Variants in EIF3M observed in about 807,000 individuals in gnomAD.
EIF3M encodes the protein eukaryotic translation initiation factor 3 subunit M.
In EIF3M, 25 loss-of-function variants were observed where a neutral mutation model predicts 49.7. The observed-to-expected ratio is 0.50, with a 90% CI of 0.37 to 0.70. The LOEUF is 0.70. Ranked by LOEUF, EIF3M falls within the 30% of genes least tolerant of loss-of-function variation. EIF3M has a pLI of 0.00. For synonymous variants in EIF3M, 156 were observed against 149.8 expected, an observed-to-expected ratio of 1.04 and a Z score of -0.30; for missense variants, 350 against 440.0, an observed-to-expected ratio of 0.80 and a Z score of 1.83.
At chr11:32,602,071 T>C in intron 10 of EIF3M, 2 of 927,706 alleles carry the variant, frequency 2.2e-6, no homozygotes, top group Non-Finnish European at 3.3e-6. Flanking sequence ...TATGTCTGCT[T>C]TATATAGTTG....
rs563209933 is a variant in EIF3M, at chr11:32,602,737, A to C, written c.*338A>C. ...CAAACTGTAGAGCTTTAAATACAAC[A>C]GTCATTTTATTCTAGTAAAAACTAT... On this transcript the variant is annotated 3_prime_UTR_variant, in exon 11 of 11. Coordinates refer to ENST00000531120, the MANE Select transcript of EIF3M (RefSeq NM_006360.6). 1 of 1,134,470 alleles carries C rather than the reference A, an allele frequency of 8.8e-7. No individual in the cohort carries two copies. Among genetic ancestry groups the C allele is most frequent in the African/African-American group, 1.6e-5 (1 of 63,522 alleles). The allele number at this position is 1,134,470 out of a possible 1,614,324, so 70.3% of individuals were successfully genotyped here. A position where few individuals can be genotyped will look rare whatever the true frequency, so the allele number is the denominator to read the frequency against.
chr11:32,595,190 A>G (rs1215939578), intron 7 of EIF3M, among the ~76,000 whole-genome samples, 177 bp downstream of exon 7: 1 of 151,904 alleles, frequency 6.6e-6, no homozygotes, highest in Non-Finnish European at 1.5e-5. Flanking sequence ...GCTTTTCTTC[A>G]TCCACTGAGC....
rs950282558 is a variant in EIF3M, at chr11:32,606,016, A to T, written c.*3617A>T. On this transcript the variant is annotated 3_prime_UTR_variant, in exon 11 of 11. Coordinates refer to ENST00000531120, the MANE Select transcript of EIF3M (RefSeq NM_006360.6). ...ATGAATCTAATTCATTGGATATATAAAAAAAAAAGTAAGTGGCTTGCTTTG... is the reference window on the plus strand; with the variant it reads ...ATGAATCTAATTCATTGGATATATATAAAAAAAAGTAAGTGGCTTGCTTTG... 6 of 151,568 alleles carry T rather than the reference A, an allele frequency of 4.0e-5. No homozygotes were observed. Among genetic ancestry groups the T allele is most frequent in the Admixed American group, 2.0e-4 (3 of 15,202 alleles). The allele number at this position is 151,568 out of a possible 1,614,324, so 9.4% of individuals were successfully genotyped here.
At chr11:32,589,465 C>A in intron 4 of EIF3M, 82 bp from the exon 5 acceptor site, 3 of 1,375,780 alleles carry the variant, frequency 2.2e-6, no homozygotes, top group South Asian at 1.2e-5. Context: ...GCGTGAGCCA[C>A]CACGCCCAGC....
chr11:32,594,848 TG>T, intron 6 of EIF3M, 65 bp from the exon 7 acceptor site: 1 of 1,454,108 alleles, frequency 6.9e-7, no homozygotes. Flanking sequence ...TTTTATGATC[TG>T]CAAAAACTCA....
Position 32,602,497 on chromosome 11 carries a change from G to A in EIF3M, c.*98G>A, listed in dbSNP as rs1855286666. On this transcript the variant is annotated 3_prime_UTR_variant, in exon 11 of 11. Coordinates refer to ENST00000531120, the MANE Select transcript of EIF3M (RefSeq NM_006360.6). ...AATTTGCCTAGTCTGGACAGTTATT[G>A]TCTCAAATTTATACTAAAATCACAA... The A allele has an allele frequency of 1.4e-6, 2 of 1,380,476 alleles. No individual in the cohort carries two copies. The highest frequency in any genetic ancestry group is 1.5e-5 in the African/African-American group (1 of 68,452). 85.5% of individuals were successfully genotyped at this position (1,380,476 alleles called of 1,614,324 possible). A position where few individuals can be genotyped will look rare whatever the true frequency, so the allele number is the denominator to read the frequency against.
In EIF3M at chr11:32,598,486, A is replaced by G. The variant is rs539647827; in HGVS notation, c.800-2203A>G. Among the ~76,000 whole-genome samples, 5 of 152,260 alleles carry G rather than the reference A, an allele frequency of 3.3e-5. No homozygotes were observed. The East Asian group carries it at 9.6e-4, about 29-fold the overall frequency. On this transcript the variant is annotated intron_variant, in intron 8 of 10. Coordinates refer to ENST00000531120, the MANE Select transcript of EIF3M (RefSeq NM_006360.6). ...TATGAAACAAAGCACAGCTTCCTAC[A>G]AAGTCTTTAACTCATACTTCACTGC...
At chr11:32,600,342 C>T (rs1017874507) in intron 8 of EIF3M, among the ~76,000 whole-genome samples, 5 of 151,146 alleles carry the variant, frequency 3.3e-5, no homozygotes, top group Non-Finnish European at 5.9e-5. Flanking sequence ...AGAAATTGTT[C>T]TTATGAAATG....
At chr11:32,600,870 T>A in intron 9 of EIF3M, 38 bp downstream of exon 9, 1 of 1,564,428 alleles carries the variant, frequency 6.4e-7, no homozygotes, top group Middle Eastern at 1.7e-4. Flanking sequence ...TTTCTAGAAT[T>A]TCTCATCTAC....
intron 8 of EIF3M, among the ~76,000 whole-genome samples, chr11:32,597,458 T>C (rs1399969289): frequency 1.3e-5 from 2 of 152,234 alleles, no homozygotes; most frequent in South Asian, 2.1e-4. Context: ...TTTTACATGA[T>C]AGTAAGACTT....
At chr11:32,591,128 C>T (rs1463663104) in intron 5 of EIF3M, among the ~76,000 whole-genome samples, 4 of 152,142 alleles carry the variant, frequency 2.6e-5, no homozygotes, top group African/African-American at 9.7e-5. Flanking sequence ...GGATTACAGG[C>T]GTGAGCCACC....
At position 32,603,223 on chromosome 11, in the gene EIF3M, A is replaced by G; in HGVS notation, c.*824A>G. ...TAGATCTTCAAAATCTCTAATATATAACTGAAGTAAAGTGTACAAAAACTG... is the reference window on the plus strand; with the variant it reads ...TAGATCTTCAAAATCTCTAATATATGACTGAAGTAAAGTGTACAAAAACTG... On this transcript the variant is annotated 3_prime_UTR_variant, in exon 11 of 11. Transcript: ENST00000531120. 2.1e-6 allele frequency: 1 copy of G among 477,440 alleles called. No homozygotes were observed. The highest frequency in any genetic ancestry group is 3.8e-5 in the Admixed American group (1 of 26,120). 29.6% of individuals were successfully genotyped at this position (477,440 alleles called of 1,614,324 possible). A position where few individuals can be genotyped will look rare whatever the true frequency, so the allele number is the denominator to read the frequency against.
chr11:32,601,851 T>C (rs1855272300), intron 10 of EIF3M, 29 bp downstream of exon 10: 1 of 1,604,930 alleles, frequency 6.2e-7, no homozygotes, highest in South Asian at 1.1e-5. Flanking sequence ...TGCAGCATTT[T>C]ATAGAACGAT....
chr11:32,602,616 G>A lies in EIF3M; in HGVS notation c.*217G>A. ...TTCTTTAAAAAAGGATATTGAAGAAGCAATGAGCACTTTAAAGAAAGGATA... is the reference window on the plus strand; with the variant it reads ...TTCTTTAAAAAAGGATATTGAAGAAACAATGAGCACTTTAAAGAAAGGATA... On this transcript the variant is annotated 3_prime_UTR_variant, in exon 11 of 11. Coordinates refer to ENST00000531120, the MANE Select transcript of EIF3M (RefSeq NM_006360.6). 1 of 744,702 alleles carries A rather than the reference G, an allele frequency of 1.3e-6. No homozygotes were observed. The highest frequency in any genetic ancestry group is 2.1e-5 in the South Asian group (1 of 47,210). 46.1% of individuals were successfully genotyped at this position (744,702 alleles called of 1,614,324 possible).
chr11:32,592,421 T>C (rs1352689145), intron 5 of EIF3M: 3 of 546,842 alleles, frequency 5.5e-6, no homozygotes, highest in Non-Finnish European at 1.1e-5. Context: ...TCTCAAATTA[T>C]GTTCTTCTGT....
At chr11:32,594,701 T>C (rs1433504076) in intron 6 of EIF3M, 1 of 382,948 alleles carries the variant, frequency 2.6e-6, no homozygotes. Flanking sequence ...TATGTTTTTA[T>C]CTACAATTAA....
intron 1 of EIF3M, chr11:32,584,132 C>A (rs1391596508): frequency 1.6e-6 from 1 of 629,502 alleles, no homozygotes; most frequent in Non-Finnish European, 2.7e-6. Flanking sequence ...CAGCGCGGGG[C>A]CCGACGCTTC....
chr11:32,589,529 T>G lies in EIF3M; in HGVS notation c.439-18T>G. On this transcript the variant is annotated intron_variant, in intron 4 of 10. Coordinates refer to ENST00000531120, the MANE Select transcript of EIF3M (RefSeq NM_006360.6). The stretch of plus-strand genomic sequence containing the variant: ...TATATGTGTTACTCAGTTTTCTCCT[T>G]TTGTCAATCTCTTGTAGGTTAGAAA... 1 of 1,605,858 alleles carries G rather than the reference T, an allele frequency of 6.2e-7. No homozygotes were observed. Among genetic ancestry groups the G allele is most frequent in the South Asian group, 1.1e-5 (1 of 90,896 alleles).
Position 32,602,259 on chromosome 11 carries a change from T to TTTAA in EIF3M, c.1005-17_1005-14dup. 1 of 1,603,534 alleles carries TTTAA rather than the reference T, an allele frequency of 6.2e-7. No homozygotes were observed. The highest frequency in any genetic ancestry group is 1.1e-5 in the South Asian group (1 of 88,862). ...GGCTAAAAGGTTGACTAACACTGTG[T>TTTAA]TTAATTTTTCAATTTTTAGTCATAG... On this transcript the variant is annotated intron_variant, in intron 10 of 10. Coordinates refer to ENST00000531120, the MANE Select transcript of EIF3M (RefSeq NM_006360.6).
Sources: allele counts gnomAD v4.1 joint callset (sites outside exome capture counted in the v4.1 genomes callset), GRCh38; gene constraint gnomAD v4.1.1; transcripts MANE v1.5; gene names NCBI Gene and HGNC (gene_info 2026-07-23, HGNC 2026-07-21).